Variants in PCSK7 observed in about 807,000 individuals in gnomAD.
PCSK7 encodes the protein lymphoma proprotein convertase.
PCSK7 carries 38 observed loss-of-function variants against 73.3 expected under a neutral mutation model. The ratio of observed to expected loss-of-function variants is 0.52; its 90% CI spans 0.40 to 0.68. PCSK7 has a LOEUF of 0.68. Among genes scored for constraint, PCSK7 ranks in the 30% least tolerant of loss-of-function variants. The probability of loss-of-function intolerance (pLI) is 0.00; values close to 1 mark genes in which losing one functional copy is unlikely to be tolerated. For missense variants in PCSK7, 692 were observed against 991.5 expected (o/e 0.70, Z 4.06); for synonymous variants, 296 against 383.8 (o/e 0.77, Z 2.68).
intron 9 of PCSK7, chr11:117,222,787 C>T: frequency 6.2e-6 from 1 of 161,854 alleles, no homozygotes; most frequent in Non-Finnish European, 1.3e-5. Flanking sequence ...GCTGGGATTA[C>T]AGATGCCCGC....
chr11:117,221,408 A>ACTTGTCTATGGTGGCAGGAG (rs1371349141), intron 9 of PCSK7: 2 of 152,196 alleles, frequency 1.3e-5, no homozygotes, highest in Non-Finnish European at 2.9e-5. Flanking sequence ...AAGCCCACGA[A>ACTTGTCTATGGTGGCAGGAG]CTTGTCTATG....
At chr11:117,224,603 G>A in intron 7 of PCSK7, 98 bp downstream of exon 7, 3 of 963,400 alleles carry the variant, frequency 3.1e-6, no homozygotes, top group Non-Finnish European at 5.1e-6. Context: ...GACTGAGCGT[G>A]GAGGTGGAGT....
intron 16 of PCSK7, 126 bp from the exon 17 acceptor site, chr11:117,206,482 C>T (rs2031405630): frequency 1.5e-5 from 18 of 1,214,326 alleles, no homozygotes; most frequent in Non-Finnish European, 2.0e-5. Context: ...CCAAACTGTT[C>T]CCTCTGCCCC....
At chr11:117,219,528 A>G (rs1343525552) in intron 10 of PCSK7, 63 bp downstream of exon 10, 1 of 1,489,280 alleles carries the variant, frequency 6.7e-7, no homozygotes, top group Non-Finnish European at 9.2e-7. Flanking sequence ...ATCTAAGGCC[A>G]CCTGATACCC....
intron 7 of PCSK7, 88 bp downstream of exon 7, chr11:117,224,613 T>G: frequency 1.9e-6 from 2 of 1,045,186 alleles, no homozygotes; most frequent in South Asian, 2.5e-5. Flanking sequence ...GGAGGTGGAG[T>G]GGGAAGATGG....
chr11:117,218,044 C>G lies in PCSK7; in HGVS notation c.1534+422G>C, dbSNP rs2032054154. ...CATCTGACTCTCTCTATTAGGTAAG[C>G]CAGAGAATCAAAGGAAGAAATGCCT... is the stretch of plus-strand genomic sequence containing the variant. On this transcript the variant is annotated intron_variant, in intron 12 of 16. Transcript: ENST00000320934. This position sits in a 1 kb window ranked among gnomAD's most constrained non-coding sequence, Gnocchi z 4.0. 6.5e-6 allele frequency: 1 copy of G among 153,038 alleles called. No individual in the cohort carries two copies. The highest frequency in any genetic ancestry group is 2.4e-5 in the African/African-American group (1 of 41,492). The allele number at this position is 153,038 out of a possible 1,614,324, so 9.5% of individuals were successfully genotyped here.
intron 12 of PCSK7, chr11:117,210,549 G>A (rs1459422506): frequency 6.6e-6 from 1 of 152,028 alleles, no homozygotes; most frequent in Non-Finnish European, 1.5e-5. Context: ...AGTAGAGATG[G>A]GGTTTCACCA....
intron 8 of PCSK7, chr11:117,223,528 T>A (rs1027963605): frequency 2.6e-5 from 15 of 568,456 alleles, no homozygotes; most frequent in Non-Finnish European, 4.4e-5. Context: ...ATTCTTTCAG[T>A]AGGCTCTGGG....
rs1158087196 is a variant in PCSK7 at position 117,205,077 on chromosome 11, T to C, written c.*920A>G. 2.7e-5 allele frequency: 6 copies of C among 222,200 alleles called. No individual in the cohort carries two copies. The highest frequency in any genetic ancestry group is 1.8e-5 in the Non-Finnish European group (2 of 110,876). 13.8% of individuals were successfully genotyped at this position (222,200 alleles called of 1,614,324 possible). A position where few individuals can be genotyped will look rare whatever the true frequency, so the allele number is the denominator to read the frequency against. ...AGAGATTGCGAGTGGCAGAATTGTT[T>C]GGAAGGTTTTTATTTTGGAAAAGCT... On this transcript the variant is annotated 3_prime_UTR_variant, in exon 17 of 17. Coordinates refer to ENST00000320934, the MANE Select transcript of PCSK7 (RefSeq NM_004716.4).
intron 12 of PCSK7, chr11:117,212,956 T>C (rs1447946471): frequency 6.6e-6 from 1 of 152,224 alleles, no homozygotes. Flanking sequence ...GCTCAAGCAA[T>C]CTGCCTGCTC....
Position 117,206,980 on chromosome 11 carries a change from A to G in PCSK7, c.1880+87T>C, listed in dbSNP as rs2031449889. The G allele has an allele frequency of 2.7e-6, 4 of 1,459,934 alleles. 1 individual carries two copies. The East Asian group carries it at 9.3e-5, about 34-fold the overall frequency. The allele number at this position is 1,459,934 out of a possible 1,614,324, so 90.4% of individuals were successfully genotyped here. A position where few individuals can be genotyped will look rare whatever the true frequency, so the allele number is the denominator to read the frequency against. ...CGGCTTGACGCTGGAACTGGGAAGC[A>G]CAGCTGGGGTTCAGAGGGCGATGGG... On this transcript the variant is annotated intron_variant, in intron 15 of 16. Coordinates refer to ENST00000320934, the MANE Select transcript of PCSK7 (RefSeq NM_004716.4).
In PCSK7 at chr11:117,224,165, A is replaced by T; in HGVS notation, c.967T>A (p.Phe323Ile). The T allele has an allele frequency of 6.2e-7, 1 of 1,614,180 alleles. No individual in the cohort carries two copies. Among genetic ancestry groups the T allele is most frequent in the Non-Finnish European group, 8.5e-7 (1 of 1,180,016 alleles). ...CCTCCGTTGCCACTGGCTACCACAA[A>T]GATGCTCCCAAAGCCCTGGCGACCA... ...IAGRQGFGSI[F>I]VVASGNGGQH... The change falls in exon 8 of 17, where the codon TTT becomes ATT. Residue 323 changes from phenylalanine (F) to isoleucine (I), a missense_variant. Physicochemically the swap from Phe to Ile is conservative, Grantham distance 21. Coordinates refer to ENST00000320934, the MANE Select transcript of PCSK7 (RefSeq NM_004716.4).
chr11:117,224,052 G>C lies in PCSK7; in HGVS notation c.1054+26C>G, dbSNP rs770835291. Reference sequence around the variant, plus strand: ...CTAACCCTTCGGTGACACACACACAGGAGCACAGAAACATTGGGTGACTAC... The same window carrying C: ...CTAACCCTTCGGTGACACACACACACGAGCACAGAAACATTGGGTGACTAC... On this transcript the variant is annotated intron_variant, in intron 8 of 16. Coordinates refer to ENST00000320934, the MANE Select transcript of PCSK7 (RefSeq NM_004716.4). 41 of 1,612,476 alleles carry C rather than the reference G, an allele frequency of 2.5e-5. No individual in the cohort carries two copies. The Admixed American group carries it at 4.2e-4, about 16-fold the overall frequency.
chr11:117,219,718 G>A lies in PCSK7; in HGVS notation c.1196C>T (p.Thr399Ile). 6.3e-7 allele frequency: 1 copy of A among 1,598,546 alleles called. No individual in the cohort carries two copies. Residue 399 changes from threonine (T) to isoleucine (I), a missense_variant, in exon 10 of 17, where the codon ACT (threonine) becomes ATT (isoleucine). Thr to Ile is a moderately conservative substitution (Grantham distance 89). Transcript: ENST00000320934. ...DWDLQKGTGC[T>I]EGHTGTSAAA... The stretch of plus-strand genomic sequence containing the variant: ...AGCTGAGGTCCCTGTGTGGCCCTCA[G>A]TGCAGCCAGTGCCCTTCTGAAGGTC...
rs535618801 is a variant in PCSK7 at position 117,206,230 on chromosome 11, G to C, written c.2125C>G (p.Arg709Gly). Residue 709 changes from arginine (R) to glycine (G), a missense_variant, in exon 17 of 17, where the codon CGG becomes GGG. Physicochemically the swap from Arg to Gly is moderately radical, Grantham distance 125. Around this residue, in one of 6 missense-constraint regions of PCSK7, gnomAD observed 78 missense variants for 102.6 expected, o/e 0.76. Coordinates refer to ENST00000320934, the MANE Select transcript of PCSK7 (RefSeq NM_004716.4). ...CRSGPCHWPHRSRKAKEEGTE... is the reference protein window; with the variant it reads ...CRSGPCHWPHGSRKAKEEGTE... ...CCTTCCTCCTTGGCTTTCCGGCTCC[G>C]ATGGGGCCAGTGGCAGGGTCCACTC... 6.2e-7 allele frequency: 1 copy of C among 1,614,154 alleles called. No homozygotes were observed. Among genetic ancestry groups the C allele is most frequent in the East Asian group, 2.2e-5 (1 of 44,876 alleles).
chr11:117,218,370 G>A lies in PCSK7; in HGVS notation c.1534+96C>T, dbSNP rs150040761. ...TTTGGCTGGAGCTCAGCTCCGAAAG[G>A]GGGTAGAATCTGGCAGGGAGGACGA... is the stretch of plus-strand genomic sequence containing the variant. On this transcript the variant is annotated intron_variant, in intron 12 of 16. Transcript: ENST00000320934. This position sits in a 1 kb window ranked among gnomAD's most constrained non-coding sequence, Gnocchi z 4.0. The A allele has an allele frequency of 4.9e-5, 31 of 636,840 alleles. No homozygotes were observed. The African/African-American group carries it at 5.4e-4, about 11-fold the overall frequency. 39.4% of individuals were successfully genotyped at this position (636,840 alleles called of 1,614,324 possible). A position where few individuals can be genotyped will look rare whatever the true frequency, so the allele number is the denominator to read the frequency against.
At position 117,229,380 on chromosome 11, in the gene PCSK7, G is replaced by A. The variant is rs1401226626; in HGVS notation, c.465C>T (p.His155=). The A allele has an allele frequency of 6.2e-7, 1 of 1,603,428 alleles. No individual in the cohort carries two copies. The highest frequency in any genetic ancestry group is 8.5e-7 in the Non-Finnish European group (1 of 1,178,844). ...CAAACTGCAGGACTGGACTCACCAG[G>A]TGCCATTGCTGCGGGTACTTGGGGT... is the stretch of plus-strand genomic sequence containing the variant. ...FNDPKYPQQW[H]LNNRRSPGRD... Residue 155 remains histidine (H), a synonymous_variant, in exon 3 of 17, where the codon CAC becomes CAT. Transcript: ENST00000320934.
At chr11:117,228,473 A>G in intron 3 of PCSK7, 123 bp from the exon 4 acceptor site, 1 of 776,342 alleles carries the variant, frequency 1.3e-6, no homozygotes, top group African/African-American at 1.7e-5. Flanking sequence ...ATTGCAGACC[A>G]ATAGGTCAGG....
intron 5 of PCSK7, chr11:117,226,595 C>T (rs960655581): frequency 5.1e-5 from 8 of 157,592 alleles, no homozygotes; most frequent in East Asian, 3.7e-4. Context: ...CTGGCTCCTC[C>T]GGTCTCATTT....
Sources: gnomAD v4.1 joint callset for allele counts on GRCh38, gnomAD v4.1.1 for gene constraint, gnomAD v4.1.1 regional missense constraint, Gnocchi (gnomAD v3.1) non-coding constraint, MANE v1.5 for transcripts, NCBI Gene and HGNC (gene_info 2026-07-23, HGNC 2026-07-21) for gene names.